Variants in CEP57L1 observed in about 807,000 individuals in gnomAD.
CEP57L1 encodes centrosomal protein 57 like 1, also known as centrosomal protein CEP57L1.
CEP57L1 carries 37 observed loss-of-function variants against 61.0 expected under a neutral mutation model. The observed-to-expected ratio is 0.61, with a 90% confidence interval of 0.47 to 0.80. The LOEUF (loss-of-function observed/expected upper bound fraction) is 0.80. Among genes scored for constraint, CEP57L1 ranks in the 30% least tolerant of loss-of-function variants. The pLI, the probability that CEP57L1 is intolerant of heterozygous loss-of-function variation, is 0.00. For synonymous variants in CEP57L1, 137 were observed against 162.3 expected, an observed-to-expected ratio of 0.84 and a Z score of 1.19; for missense variants, 422 against 524.7, an observed-to-expected ratio of 0.80 and a Z score of 1.91.
At chr6:109,106,824 C>T (rs1770994159) in intron 1 of CEP57L1, among the ~76,000 whole-genome samples, 1 of 152,070 alleles carries the variant, frequency 6.6e-6, no homozygotes, top group Non-Finnish European at 1.5e-5. Context: ...CCTGTAATCC[C>T]AGCTACTCAG....
At chr6:109,120,242 A>T (rs985461941) in intron 1 of CEP57L1, among the ~76,000 whole-genome samples, 2 of 152,224 alleles carry the variant, frequency 1.3e-5, no homozygotes, top group Admixed American at 6.5e-5. Flanking sequence ...CTTCATTATC[A>T]AATAATCTAG....
intron 1 of CEP57L1, among the ~76,000 whole-genome samples, chr6:109,125,820 T>C (rs993738306): frequency 1.3e-5 from 2 of 152,092 alleles, no homozygotes; most frequent in African/African-American, 4.8e-5. Context: ...ATTATAAGAA[T>C]GTTGAAACCC....
At chr6:109,139,252 A>G (rs765577377) in intron 1 of CEP57L1, among the ~76,000 whole-genome samples, 1 of 152,194 alleles carries the variant, frequency 6.6e-6, no homozygotes, top group African/African-American at 2.4e-5. Flanking sequence ...TTTCATCATC[A>G]TGGTATTCAG....
At chr6:109,113,195 G>C (rs1252385591) in intron 1 of CEP57L1, among the ~76,000 whole-genome samples, 1 of 152,122 alleles carries the variant, frequency 6.6e-6, no homozygotes, top group African/African-American at 2.4e-5. Context: ...GGGTGCTGCT[G>C]TATTGGGGGC....
intron 1 of CEP57L1, among the ~76,000 whole-genome samples, chr6:109,101,123 A>G (rs1782344496): frequency 1.3e-5 from 2 of 152,194 alleles, no homozygotes; most frequent in African/African-American, 4.8e-5. Flanking sequence ...AAAACAAAAC[A>G]AAACAGTCTG....
At chr6:109,112,050 G>A (rs1367175854) in intron 1 of CEP57L1, among the ~76,000 whole-genome samples, 1 of 152,196 alleles carries the variant, frequency 6.6e-6, no homozygotes, top group Admixed American at 6.6e-5. Context: ...AATGAGTTAG[G>A]GAGGAGTCCC....
rs181190783 is a variant in CEP57L1, at chr6:109,110,844, G to A, written c.-4+15269G>A. Among the ~76,000 whole-genome samples the A allele has an allele frequency of 8.3e-3, 1,262 of 152,194 alleles. 23 individuals are homozygous for A. Among genetic ancestry groups the A allele is most frequent in the African/African-American group, 0.029 (1,211 of 41,528 alleles). On this transcript the variant is annotated intron_variant, in intron 1 of 10. Coordinates refer to ENST00000517392, the MANE Select transcript of CEP57L1 (RefSeq NM_001271852.3). ...AAAGATCAGATGGTTGTAGATGTGT[G>A]GCGTTATTTCTGAGGCCTCTGTTCT...
chr6:109,125,298 T>A (rs1020733165), intron 1 of CEP57L1, among the ~76,000 whole-genome samples: 1 of 152,016 alleles, frequency 6.6e-6, no homozygotes. Context: ...AAATAAATTT[T>A]GGTACTGAAC....
At chr6:109,125,739 G>A (rs1223812609) in intron 1 of CEP57L1, among the ~76,000 whole-genome samples, 1 of 151,006 alleles carries the variant, frequency 6.6e-6, no homozygotes, top group African/African-American at 2.4e-5. Context: ...TTGATAGACG[G>A]GTGGATAGAG....
intron 10 of CEP57L1, 60 bp from the exon 11 acceptor site, chr6:109,162,689 T>C: frequency 9.1e-7 from 1 of 1,099,702 alleles, no homozygotes; most frequent in South Asian, 1.5e-5. Context: ...AACCTATCTA[T>C]TTTGGAATAT....
chr6:109,171,986 C>T lies in CEP57L1; in HGVS notation c.*9016C>T, dbSNP rs1166753075. Reference sequence around the variant, plus strand: ...CTCGGGTGGTCCCCAAGACCACCTTCAGGATCAGTGATTCACTGGAGGGAC... The same window carrying T: ...CTCGGGTGGTCCCCAAGACCACCTTTAGGATCAGTGATTCACTGGAGGGAC... On this transcript the variant is annotated 3_prime_UTR_variant, in exon 11 of 11. Coordinates refer to ENST00000517392, the MANE Select transcript of CEP57L1 (RefSeq NM_001271852.3). 6.6e-6 allele frequency among the ~76,000 whole-genome samples: 1 copy of T among 152,046 alleles called. No homozygotes were observed. The highest frequency in any genetic ancestry group is 1.5e-5 in the Non-Finnish European group (1 of 68,008).
intron 1 of CEP57L1, among the ~76,000 whole-genome samples, chr6:109,125,496 A>G (rs1773445111): frequency 6.8e-6 from 1 of 146,780 alleles, no homozygotes; most frequent in African/African-American, 2.5e-5. Context: ...TAAATGCTAT[A>G]TATATATATA....
chr6:109,151,916 T>C (rs1345535073), intron 4 of CEP57L1, among the ~76,000 whole-genome samples: 1 of 152,168 alleles, frequency 6.6e-6, no homozygotes, highest in African/African-American at 2.4e-5. Context: ...AGGCTGCTAT[T>C]AAGATTTTCC....
intron 7 of CEP57L1, chr6:109,156,292 A>T (rs1773210843): frequency 6.5e-6 from 1 of 152,946 alleles, no homozygotes; most frequent in Non-Finnish European, 1.5e-5. Flanking sequence ...TACTGACAAC[A>T]TAATAAATCC....
rs2114991269 is a variant in CEP57L1 at position 109,169,328 on chromosome 6, C to T, written c.*6358C>T. Among the ~76,000 whole-genome samples the T allele has an allele frequency of 6.6e-6, 1 of 151,384 alleles. No homozygotes were observed. Among genetic ancestry groups the T allele is most frequent in the South Asian group, 2.1e-4 (1 of 4,782 alleles). On this transcript the variant is annotated 3_prime_UTR_variant, in exon 11 of 11. Coordinates refer to ENST00000517392, the MANE Select transcript of CEP57L1 (RefSeq NM_001271852.3). Reference sequence around the variant, plus strand: ...GTACGGGTTGTCATTTTTAATGTAGCCCTAAATGTTTTTTAGGGAAGAAAA... The same window carrying T: ...GTACGGGTTGTCATTTTTAATGTAGTCCTAAATGTTTTTTAGGGAAGAAAA...
chr6:109,149,577 G>A (rs1334847789), intron 3 of CEP57L1, among the ~76,000 whole-genome samples: 35 of 151,900 alleles, frequency 2.3e-4, no homozygotes, highest in Non-Finnish European at 4.7e-4. Flanking sequence ...TGTTCTTTTG[G>A]CTTAGGATTG....
intron 1 of CEP57L1, among the ~76,000 whole-genome samples, chr6:109,144,013 G>C (rs1048436968): frequency 2.0e-5 from 3 of 152,076 alleles, no homozygotes; most frequent in Non-Finnish European, 1.5e-5. Flanking sequence ...AGATAGATGC[G>C]GTATCCCATG....
In CEP57L1 at chr6:109,155,238, T is replaced by G. The variant is rs1337822057; in HGVS notation, c.588T>G (p.Ile196Met). The G allele has an allele frequency of 6.4e-7, 1 of 1,574,158 alleles. No homozygotes were observed. Among genetic ancestry groups the G allele is most frequent in the African/African-American group, 1.4e-5 (1 of 73,174 alleles). ...TTTQKTAEDKIKHLEEKLKEE... is the reference protein window; with the variant it reads ...TTTQKTAEDKMKHLEEKLKEE... ...TTTTTACTCTTTTGCAGGACAAGAT[T>G]AAACATTTAGAAGAAAAACTTAAGG... is the stretch of plus-strand genomic sequence containing the variant. The change falls in exon 6 of 11, where the codon ATT becomes ATG. Residue 196 changes from isoleucine (I) to methionine (M), a missense_variant. Coordinates refer to ENST00000517392, the MANE Select transcript of CEP57L1 (RefSeq NM_001271852.3).
At chr6:109,146,018 G>A (rs1294785137) in intron 2 of CEP57L1, among the ~76,000 whole-genome samples, 1 of 151,644 alleles carries the variant, frequency 6.6e-6, no homozygotes. Flanking sequence ...AAATAATAAT[G>A]CAAATCAATG....
Sources: gnomAD v4.1 joint callset for allele counts (sites outside exome capture counted in the v4.1 genomes callset) on GRCh38, gnomAD v4.1.1 for gene constraint, MANE v1.5 for transcripts, NCBI Gene and HGNC (gene_info 2026-07-23, HGNC 2026-07-21) for gene names.